The following IQCM variants were observed in gnomAD, a reference collection of about 807,000 sequenced individuals.
IQCM encodes IQ motif containing M, also known as IQ domain-containing protein M.
Under a neutral mutation model 57.6 loss-of-function variants are expected in IQCM, and 45 were observed. The ratio of observed to expected loss-of-function variants is 0.78; its 90% CI spans 0.62 to 1.00. IQCM has a LOEUF of 1.00. Among genes scored for constraint, IQCM ranks in the 50% least tolerant of loss-of-function variants. The pLI is 0.00. For missense variants in IQCM, 468 were observed against 511.6 expected, an observed-to-expected ratio of 0.91 and a Z score of 0.82; for synonymous variants, 148 against 158.9, an observed-to-expected ratio of 0.93 and a Z score of 0.51.
intron 12 of IQCM, among the ~76,000 whole-genome samples, chr4:149,543,062 GA>G (rs59313060): frequency 0.15 from 22,233 of 148,552 alleles, 2,036 homozygotes; most frequent in South Asian, 0.33. Flanking sequence ...CTGTTAATTT[GA>G]AAAAAAAATA....
At chr4:149,726,098 A>G (rs1202408826) in intron 5 of IQCM, among the ~76,000 whole-genome samples, 1 of 147,504 alleles carries the variant, frequency 6.8e-6, no homozygotes, top group Non-Finnish European at 1.5e-5. Context: ...AAAGAAAGAA[A>G]GAAAGAAAGA....
intron 2 of IQCM, among the ~76,000 whole-genome samples, chr4:149,775,762 C>T (rs1212516862): frequency 6.6e-6 from 1 of 152,152 alleles, no homozygotes; most frequent in Non-Finnish European, 1.5e-5. Context: ...TAATGATGTT[C>T]ACTAGAAAAC....
chr4:149,694,772 T>C (rs568250711), intron 5 of IQCM, among the ~76,000 whole-genome samples: 1 of 152,272 alleles, frequency 6.6e-6, no homozygotes, highest in East Asian at 1.9e-4. Context: ...GTTGTGAAAA[T>C]AGTTGGGCTT....
At chr4:149,686,638 A>G (rs1158373768) in intron 5 of IQCM, among the ~76,000 whole-genome samples, 170 bp from the exon 6 acceptor site, 1 of 151,616 alleles carries the variant, frequency 6.6e-6, no homozygotes, top group African/African-American at 2.4e-5. Flanking sequence ...TCTTCACTCC[A>G]TGCTACTCAG....
chr4:149,726,569 CATTT>C (rs1348534633), intron 5 of IQCM, among the ~76,000 whole-genome samples: 2 of 152,064 alleles, frequency 1.3e-5, no homozygotes, highest in East Asian at 3.9e-4. Flanking sequence ...TTTCTACCTA[CATTT>C]ATTTCCTCAA....
chr4:149,625,363 A>G (rs1343563951), intron 7 of IQCM, among the ~76,000 whole-genome samples: 1 of 152,190 alleles, frequency 6.6e-6, no homozygotes, highest in Non-Finnish European at 1.5e-5. Flanking sequence ...GAGGAGAAAA[A>G]GTAATATATT....
intron 7 of IQCM, among the ~76,000 whole-genome samples, chr4:149,634,257 C>A (rs1230385404): frequency 6.6e-6 from 1 of 152,160 alleles, no homozygotes; most frequent in African/African-American, 2.4e-5. Flanking sequence ...GATCTGCCCA[C>A]CTCGGCCTCC....
At chr4:149,470,757 T>C (rs574296902) in intron 12 of IQCM, among the ~76,000 whole-genome samples, 4 of 152,028 alleles carry the variant, frequency 2.6e-5, no homozygotes, top group African/African-American at 9.6e-5. Flanking sequence ...ATAGAAATTA[T>C]AACAAACTGT....
intron 13 of IQCM, among the ~76,000 whole-genome samples, chr4:149,369,864 G>C (rs1730239764): frequency 6.6e-6 from 1 of 151,990 alleles, no homozygotes; most frequent in South Asian, 2.1e-4. Context: ...TAAAAATCTT[G>C]CAATAATTTT....
chr4:149,785,397 A>G (rs539127171), intron 2 of IQCM, among the ~76,000 whole-genome samples: 24 of 152,348 alleles, frequency 1.6e-4, no homozygotes, highest in African/African-American at 4.8e-4. Flanking sequence ...AAGGAACTCA[A>G]ATAGAAATGT....
intron 7 of IQCM, among the ~76,000 whole-genome samples, chr4:149,637,066 C>T (rs1757782977): frequency 6.7e-6 from 1 of 150,236 alleles, no homozygotes; most frequent in East Asian, 2.0e-4. Context: ...TGGCGTGAAC[C>T]CGGGAAGCGG....
intron 13 of IQCM, among the ~76,000 whole-genome samples, chr4:149,394,848 T>C (rs1265244210): frequency 6.6e-6 from 1 of 152,082 alleles, no homozygotes; most frequent in East Asian, 1.9e-4. Flanking sequence ...TGAATATTTT[T>C]TACCTAGTTA....
At chr4:149,732,526 C>G (rs571272716) in intron 5 of IQCM, among the ~76,000 whole-genome samples, 1 of 152,182 alleles carries the variant, frequency 6.6e-6, no homozygotes, top group Non-Finnish European at 1.5e-5. Context: ...CCATTACTCT[C>G]TGAGCCTTTT....
chr4:149,791,712 A>G (rs1410310078), intron 2 of IQCM, among the ~76,000 whole-genome samples: 1 of 152,204 alleles, frequency 6.6e-6, no homozygotes, highest in Non-Finnish European at 1.5e-5. Context: ...CATAAGTAAC[A>G]TAACCATACT....
chr4:149,699,413 AGATT>A (rs1390949438), intron 5 of IQCM, among the ~76,000 whole-genome samples: 2 of 152,162 alleles, frequency 1.3e-5, no homozygotes, highest in South Asian at 2.1e-4. Flanking sequence ...AAATGTGTTT[AGATT>A]GATCTTCCCC....
intron 9 of IQCM, among the ~76,000 whole-genome samples, chr4:149,584,649 T>C (rs1032439854): frequency 6.6e-6 from 1 of 151,744 alleles, no homozygotes; most frequent in African/African-American, 2.4e-5. Context: ...TATATACTTG[T>C]ACATATACAA....
At chr4:149,435,677 C>T (rs1735293608) in intron 12 of IQCM, among the ~76,000 whole-genome samples, 1 of 151,686 alleles carries the variant, frequency 6.6e-6, no homozygotes, top group African/African-American at 2.4e-5. Context: ...CTGCTATTGG[C>T]CCTGAAGATT....
chr4:149,517,963 G>A (rs1745160862), intron 12 of IQCM, among the ~76,000 whole-genome samples: 1 of 152,136 alleles, frequency 6.6e-6, no homozygotes, highest in Non-Finnish European at 1.5e-5. Context: ...TTATATACAT[G>A]TATCTATCCT....
intron 13 of IQCM, among the ~76,000 whole-genome samples, chr4:149,373,134 T>C (rs1424523039): frequency 2.0e-5 from 3 of 152,176 alleles, no homozygotes; most frequent in Non-Finnish European, 4.4e-5. Flanking sequence ...TAAAAAATAC[T>C]CTGGATCTTA....
Sources: allele counts gnomAD v4.1 joint callset (sites outside exome capture counted in the v4.1 genomes callset), GRCh38; gene constraint gnomAD v4.1.1; transcripts MANE v1.5; gene names NCBI Gene and HGNC (gene_info 2026-07-23, HGNC 2026-07-21).